The following MPRIP variants were observed in gnomAD, a reference collection of about 807,000 sequenced individuals.
MPRIP encodes myosin phosphatase Rho interacting protein, also known as myosin phosphatase Rho-interacting protein.
A neutral mutation model predicts 234.9 loss-of-function variants in MPRIP; 59 were observed. That is an observed-to-expected ratio of 0.25 (90% CI 0.20 to 0.31). MPRIP has a LOEUF of 0.31. Ranked by LOEUF, MPRIP falls within the 10% of genes least tolerant of loss-of-function variation. MPRIP has a pLI of 1.00. For synonymous variants in MPRIP, 1,144 were observed against 1,263.9 expected, an observed-to-expected ratio of 0.91 and a Z score of 2.01; for missense variants, 2,436 against 3,071.0, an observed-to-expected ratio of 0.79 and a Z score of 4.89.
rs746184698 is a variant in MPRIP at position 17,166,089 on chromosome 17, G to A, written c.4498G>A (p.Ala1500Thr). The A allele has an allele frequency of 1.0e-5, 13 of 1,298,820 alleles. No individual in the cohort carries two copies. Among genetic ancestry groups the A allele is most frequent in the African/African-American group, 1.5e-5 (1 of 65,774 alleles). 80.5% of individuals were successfully genotyped at this position (1,298,820 alleles called of 1,614,324 possible). The change falls in exon 16 of 24, where the codon GCA (alanine) becomes ACA (threonine). Residue 1500 changes from alanine (A) to threonine (T), a missense_variant. Physicochemically the swap from Ala to Thr is moderately conservative, Grantham distance 58. This residue lies in a region of MPRIP where 1,998 missense variants were observed against 2,520.3 expected (regional missense o/e 0.79). Transcript: ENST00000651222. This position sits in a 1 kb window ranked among gnomAD's most constrained non-coding sequence, Gnocchi z 4.4. ...GGCCAGCCAGGAGGATGAGCAGGAC[G>A]CACGCGCAGCCTCCCTGGCCAGTGT... ...PRASQEDEQDARAASLASVES... is the reference protein window; with the variant it reads ...PRASQEDEQDTRAASLASVES...
chr17:17,120,221 T>C (rs2090362594), intron 3 of MPRIP, among the ~76,000 whole-genome samples: 1 of 152,224 alleles, frequency 6.6e-6, no homozygotes, highest in Admixed American at 6.5e-5. Flanking sequence ...TATTTCTGCT[T>C]ACTTTCCTCT....
intron 3 of MPRIP, chr17:17,096,882 T>TG: frequency 2.2e-6 from 1 of 444,958 alleles, no homozygotes; most frequent in East Asian, 7.1e-5. Flanking sequence ...GGAAAATAAA[T>TG]ATGAAAAAGC....
At chr17:17,153,237 G>A (rs916591643) in intron 12 of MPRIP, among the ~76,000 whole-genome samples, 10 of 152,158 alleles carry the variant, frequency 6.6e-5, no homozygotes, top group South Asian at 2.1e-4. Flanking sequence ...ACGTCAGGCC[G>A]GTGCGTGATC....
rs1597542526 is a variant in MPRIP at position 17,187,243 on chromosome 17, A to G, written c.*2349A>G. The G allele has an allele frequency of 1.3e-5, 2 of 152,366 alleles. No homozygotes were observed. The highest frequency in any genetic ancestry group is 1.3e-4 in the Admixed American group (2 of 15,302). The allele number at this position is 152,366 out of a possible 1,614,324, so 9.4% of individuals were successfully genotyped here. On this transcript the variant is annotated 3_prime_UTR_variant, in exon 24 of 24. Coordinates refer to ENST00000651222, the MANE Select transcript of MPRIP (RefSeq NM_001364716.4). ...CACATATCCCTTGAGGCTGGACTTC[A>G]GGAATCCTGGAAAATTAATATGAGT...
At chr17:17,082,382 G>A (rs987728086) in intron 3 of MPRIP, among the ~76,000 whole-genome samples, 4 of 123,296 alleles carry the variant, frequency 3.2e-5, no homozygotes, top group East Asian at 2.8e-4. Context: ...AGCAACCTCC[G>A]ACTCCCAGGT....
At chr17:17,110,167 C>T (rs1028235253) in intron 3 of MPRIP, among the ~76,000 whole-genome samples, 16 of 152,068 alleles carry the variant, frequency 1.1e-4, no homozygotes, top group African/African-American at 2.9e-4. Context: ...TTCTCACTCC[C>T]GCCCTCCTCT....
At position 17,048,403 on chromosome 17, in the gene MPRIP, A is replaced by G. The variant is rs569999576; in HGVS notation, c.123+5432A>G. On this transcript the variant is annotated intron_variant, in intron 1 of 23. Coordinates refer to ENST00000651222, the MANE Select transcript of MPRIP (RefSeq NM_001364716.4). ...TCCCTTTGTTCCTGTAGACATTCGT[A>G]GAAGTTCTAAGGCATAGGACTTCCT... is the stretch of plus-strand genomic sequence containing the variant. Among the ~76,000 whole-genome samples, 44 of 152,306 alleles carry G rather than the reference A, an allele frequency of 2.9e-4. 1 individual carries two copies. The South Asian group carries it at 9.1e-3, about 32-fold the overall frequency.
chr17:17,179,632 T>C (rs1003470705), intron 22 of MPRIP: 4 of 188,202 alleles, frequency 2.1e-5, no homozygotes, highest in African/African-American at 9.6e-5. Flanking sequence ...GACAGCCCTG[T>C]GCTACCAGGA....
intron 23 of MPRIP, chr17:17,180,718 C>CA: frequency 6.6e-7 from 1 of 1,512,942 alleles, no homozygotes; most frequent in South Asian, 1.1e-5. Context: ...ACCCCCATGG[C>CA]AAACGCCTGT....
intron 1 of MPRIP, among the ~76,000 whole-genome samples, chr17:17,062,717 C>T (rs2088903880): frequency 1.3e-5 from 2 of 152,224 alleles, no homozygotes; most frequent in South Asian, 4.1e-4. Flanking sequence ...AATTAATGGC[C>T]AGGTAGCGTG....
chr17:17,085,954 CCTT>C (rs1470770767), intron 3 of MPRIP, among the ~76,000 whole-genome samples: 2 of 152,326 alleles, frequency 1.3e-5, no homozygotes, highest in African/African-American at 4.8e-5. Context: ...GGACCAACCT[CCTT>C]CTCTGCGGAA....
Position 17,165,948 on chromosome 17 carries a change from G to A in MPRIP, c.4357G>A (p.Glu1453Lys). ...CTCCCAGCTGGAGCAGGAGAGGCAG[G>A]AGAGGGCCAGGAGGGTTGAAGGGCA... ...LASQLEQERQ[E>K]RARRVEGHVG... The change falls in exon 16 of 24, where the codon GAG becomes AAG. Residue 1453 changes from glutamate (E) to lysine (K), a missense_variant. By Grantham distance (56) the Glu-to-Lys change is moderately conservative. Coordinates refer to ENST00000651222, the MANE Select transcript of MPRIP (RefSeq NM_001364716.4). 7.7e-7 allele frequency: 1 copy of A among 1,304,352 alleles called. No individual in the cohort carries two copies. The highest frequency in any genetic ancestry group is 1.5e-5 in the African/African-American group (1 of 66,008). The allele number at this position is 1,304,352 out of a possible 1,614,324, so 80.8% of individuals were successfully genotyped here. A position where few individuals can be genotyped will look rare whatever the true frequency, so the allele number is the denominator to read the frequency against.
At chr17:17,162,502 G>T (rs111265202) in intron 15 of MPRIP, among the ~76,000 whole-genome samples, 3,948 of 152,194 alleles carry the variant, frequency 0.026, 65 homozygotes, top group South Asian at 0.042. Flanking sequence ...TGCCCCACAT[G>T]CCCTAGACTC....
At chr17:17,133,978 T>C (rs2144442437) in intron 5 of MPRIP, among the ~76,000 whole-genome samples, 1 of 152,242 alleles carries the variant, frequency 6.6e-6, no homozygotes, top group Admixed American at 6.5e-5. Context: ...GGGTCTCCAC[T>C]CCTCTGGTGG....
Position 17,166,102 on chromosome 17 carries a change from C to T in MPRIP, c.4511C>T (p.Ser1504Phe), listed in dbSNP as rs1163903597. 7.7e-7 allele frequency: 1 copy of T among 1,299,372 alleles called. No homozygotes were observed. The highest frequency in any genetic ancestry group is 1.0e-6 in the Non-Finnish European group (1 of 985,610). 80.5% of individuals were successfully genotyped at this position (1,299,372 alleles called of 1,614,324 possible). The change falls in exon 16 of 24, where the codon TCC becomes TTC. Residue 1504 changes from serine to phenylalanine, a missense_variant. Physicochemically the swap from Ser to Phe is radical, Grantham distance 155. This residue lies in a region of MPRIP where 1,998 missense variants were observed against 2,520.3 expected (regional missense o/e 0.79). Transcript: ENST00000651222. The surrounding 1 kb of genome is among the most constrained non-coding windows in gnomAD (Gnocchi z 4.4). ...GATGAGCAGGACGCACGCGCAGCCTCCCTGGCCAGTGTGGAGAGTGCACTC... is the reference window on the plus strand; with the variant it reads ...GATGAGCAGGACGCACGCGCAGCCTTCCTGGCCAGTGTGGAGAGTGCACTC... Reference protein sequence around the residue: ...QEDEQDARAASLASVESALVS... With the variant: ...QEDEQDARAAFLASVESALVS...
At chr17:17,045,784 C>T (rs1416321439) in intron 1 of MPRIP, among the ~76,000 whole-genome samples, 3 of 151,552 alleles carry the variant, frequency 2.0e-5, no homozygotes, top group Admixed American at 6.6e-5. Flanking sequence ...CATTTCTCAG[C>T]GACATACGGA....
chr17:17,092,734 C>CTGTA (rs1422806830), intron 3 of MPRIP, among the ~76,000 whole-genome samples: 2 of 152,114 alleles, frequency 1.3e-5, no homozygotes, highest in African/African-American at 4.8e-5. Flanking sequence ...CACCCTTGTT[C>CTGTA]TCTATCTCTC....
In MPRIP at chr17:17,127,637, A is replaced by C. The variant is rs980618108; in HGVS notation, c.419+784A>C. Among the ~76,000 whole-genome samples the C allele has an allele frequency of 3.3e-5, 5 of 152,260 alleles. No individual in the cohort carries two copies. In the South Asian group the frequency reaches 1.0e-3, roughly 32 times the overall value. ...CAGGAGCTCACAAACTGGATCTCCG[A>C]GAATCCCTGTCTTGCTTAAGGCTGA... On this transcript the variant is annotated intron_variant, in intron 4 of 23. Transcript: ENST00000651222.
chr17:17,071,077 G>A (rs145534157), intron 1 of MPRIP, among the ~76,000 whole-genome samples: 8 of 152,170 alleles, frequency 5.3e-5, no homozygotes, highest in Non-Finnish European at 2.9e-5. Context: ...CCCTAGCATG[G>A]AGCAAGAAGG....
Sources: gnomAD v4.1 joint callset for allele counts (sites outside exome capture counted in the v4.1 genomes callset) on GRCh38, gnomAD v4.1.1 for gene constraint, gnomAD v4.1.1 regional missense constraint, Gnocchi (gnomAD v3.1) non-coding constraint, MANE v1.5 for transcripts, NCBI Gene and HGNC (gene_info 2026-07-23, HGNC 2026-07-21) for gene names.